CEP128: variants seen among roughly 807,000 people sequenced by gnomAD.
CEP128 encodes centrosomal protein 128kDa.
CEP128 carries 132 observed loss-of-function variants against 156.7 expected under a neutral mutation model. The observed-to-expected ratio is 0.84, with a 90% CI of 0.73 to 0.97. The LOEUF (loss-of-function observed/expected upper bound fraction) is 0.97. CEP128 is among the 50% of genes least tolerant of loss of function. The pLI is 0.00. For synonymous variants in CEP128, 469 were observed against 448.9 expected (o/e 1.04, Z -0.57); for missense variants, 1,252 against 1,281.9 (o/e 0.98, Z 0.36).
chr14:80,903,666 A>G (rs1162666513), intron 6 of CEP128, among the ~76,000 whole-genome samples: 1 of 152,062 alleles, frequency 6.6e-6, no homozygotes, highest in Non-Finnish European at 1.5e-5. Flanking sequence ...AAAAAAAAAA[A>G]ATTTAAAATG....
exon 15 of CEP128, chr14:80,477,630 G>A (rs1594894725): frequency 6.6e-6 from 1 of 152,304 alleles, no homozygotes; most frequent in East Asian, 1.9e-4. Context: ...ACACACCATG[G>A]AAAGCTTAGC....
At chr14:80,922,478 A>C (rs538743775) in intron 2 of CEP128, among the ~76,000 whole-genome samples, 2 of 152,358 alleles carry the variant, frequency 1.3e-5, no homozygotes, top group South Asian at 2.1e-4. Flanking sequence ...AAGATGACTC[A>C]CTTAAAGAAA....
intron 8 of CEP128, among the ~76,000 whole-genome samples, chr14:80,864,768 G>T (rs1887687025): frequency 6.6e-6 from 1 of 152,146 alleles, no homozygotes; most frequent in African/African-American, 2.4e-5. Context: ...TGTCGGCCAG[G>T]ATGGTCTTGA....
chr14:80,678,765 T>C (rs1896192841), intron 19 of CEP128, among the ~76,000 whole-genome samples: 3 of 152,118 alleles, frequency 2.0e-5, no homozygotes, highest in Admixed American at 2.0e-4. Flanking sequence ...GAAAGACACC[T>C]GGAAAAGCTG....
chr14:80,716,767 T>C (rs1897623035), intron 19 of CEP128, among the ~76,000 whole-genome samples: 1 of 152,172 alleles, frequency 6.6e-6, no homozygotes, highest in Non-Finnish European at 1.5e-5. Context: ...TATTTCTAGG[T>C]TATATGTAAC....
intron 16 of CEP128, among the ~76,000 whole-genome samples, chr14:80,766,526 G>C (rs1900247756): frequency 6.6e-6 from 1 of 152,108 alleles, no homozygotes; most frequent in South Asian, 2.1e-4. Context: ...TAACACAAGA[G>C]CATGTCCAAA....
At chr14:80,624,688 T>A (rs1355744803) in intron 19 of CEP128, among the ~76,000 whole-genome samples, 1 of 152,160 alleles carries the variant, frequency 6.6e-6, no homozygotes, top group African/African-American at 2.4e-5. Context: ...TGTTGAGCAT[T>A]TTTTCATGTA....
At chr14:80,937,578 A>G (rs1161228853) in intron 2 of CEP128, among the ~76,000 whole-genome samples, 1 of 152,188 alleles carries the variant, frequency 6.6e-6, no homozygotes. Flanking sequence ...CCACTGGATA[A>G]GCATACAATA....
chr14:80,918,528 T>G (rs1884682476), intron 2 of CEP128, among the ~76,000 whole-genome samples: 1 of 152,220 alleles, frequency 6.6e-6, no homozygotes, highest in African/African-American at 2.4e-5. Context: ...CTAAAAGATA[T>G]TAAATAATAT....
chr14:80,646,888 T>C (rs1021808545), intron 19 of CEP128, among the ~76,000 whole-genome samples: 1 of 150,816 alleles, frequency 6.6e-6, no homozygotes, highest in African/African-American at 2.4e-5. Context: ...AAAACTGAAA[T>C]GAACATTCAG....
intron 15 of CEP128, among the ~76,000 whole-genome samples, chr14:80,783,288 T>C (rs1158765928): frequency 2.0e-5 from 3 of 152,212 alleles, no homozygotes; most frequent in Non-Finnish European, 2.9e-5. Flanking sequence ...TACCTACCTG[T>C]CCTTGAGTCT....
intron 16 of CEP128, among the ~76,000 whole-genome samples, chr14:80,776,608 C>A (rs904660469): frequency 4.0e-5 from 6 of 150,082 alleles, no homozygotes; most frequent in African/African-American, 1.5e-4. Context: ...GAAATGTAAG[C>A]AAAGCACTAA....
downstream of CEP128, among the ~76,000 whole-genome samples, chr14:80,485,551 AG>A (rs1480221402): frequency 6.6e-6 from 1 of 152,222 alleles, no homozygotes; most frequent in Non-Finnish European, 1.5e-5. Flanking sequence ...TGAAACATAT[AG>A]GTCTAGCTAA....
chr14:80,599,477 A>G lies in CEP128; in HGVS notation c.2807-19054T>C, dbSNP rs945102368. 2.0e-5 allele frequency among the ~76,000 whole-genome samples: 3 copies of G among 151,690 alleles called. No individual in the cohort carries two copies. The South Asian group carries it at 6.2e-4, about 32-fold the overall frequency. ...TTTTTAGTAGAGACGGGGTTTCACC[A>G]TGTTAGCCAGGATGGTCTCAATCTC... On this transcript the variant is annotated intron_variant, in intron 19 of 24. Coordinates refer to ENST00000555265, the MANE Select transcript of CEP128 (RefSeq NM_152446.5).
At chr14:80,520,526 T>C (rs909828549) in intron 23 of CEP128, among the ~76,000 whole-genome samples, 1 of 152,232 alleles carries the variant, frequency 6.6e-6, no homozygotes, top group African/African-American at 2.4e-5. Flanking sequence ...TGACTAGTTT[T>C]CATAATAGGA....
intron 19 of CEP128, among the ~76,000 whole-genome samples, chr14:80,705,555 G>A (rs79151528): frequency 6.6e-6 from 1 of 152,234 alleles, no homozygotes; most frequent in East Asian, 1.9e-4. Flanking sequence ...GGGAATGGGG[G>A]ATTCTGAGGA....
chr14:80,504,755 A>G (rs866437099), intron 24 of CEP128, among the ~76,000 whole-genome samples, 157 bp downstream of exon 24: 26 of 152,232 alleles, frequency 1.7e-4, no homozygotes, highest in African/African-American at 6.3e-4. Flanking sequence ...TAAACTGTGT[A>G]CTATTATGAA....
chr14:80,549,630 G>A (rs1243275889), intron 21 of CEP128, among the ~76,000 whole-genome samples: 3 of 152,158 alleles, frequency 2.0e-5, no homozygotes, highest in Non-Finnish European at 4.4e-5. Context: ...ATAATTAACA[G>A]TTATTTGGCC....
intron 19 of CEP128, among the ~76,000 whole-genome samples, chr14:80,676,547 A>C (rs1307356429): frequency 6.6e-6 from 1 of 152,072 alleles, no homozygotes; most frequent in African/African-American, 2.4e-5. Flanking sequence ...AGTTTATTGC[A>C]CTAGCTGGCA....
Sources: allele counts gnomAD v4.1 joint callset (sites outside exome capture counted in the v4.1 genomes callset), GRCh38; gene constraint gnomAD v4.1.1; transcripts MANE v1.5; gene names NCBI Gene and HGNC (gene_info 2026-07-23, HGNC 2026-07-21).